Variants in CHD1L observed in about 807,000 individuals in gnomAD.
The protein encoded by CHD1L is chromodomain helicase DNA binding protein 1 like.
CHD1L carries 118 observed loss-of-function variants against 115.9 expected under a neutral mutation model. The observed-to-expected ratio is 1.02, with a 90% CI of 0.88 to 1.19. The LOEUF is 1.19. Ranked by LOEUF, CHD1L falls within the 50% of genes most tolerant of loss-of-function variation. The pLI is 0.00. For missense variants in CHD1L, 1,179 were observed against 1,065.3 expected, an observed-to-expected ratio of 1.11 and a Z score of -1.49; for synonymous variants, 411 against 387.1, an observed-to-expected ratio of 1.06 and a Z score of -0.72.
the CHD1L span, chr1:147,178,055 C>T: frequency 2.2e-6 from 2 of 913,712 alleles, no homozygotes; most frequent in Admixed American, 3.4e-5. Context: ...GCGCGCCCGA[C>T]CGCCGCAGTC....
intron 7 of CHD1L, among the ~76,000 whole-genome samples, chr1:147,265,638 A>G (rs1357809464): frequency 1.3e-5 from 2 of 152,186 alleles, no homozygotes; most frequent in Non-Finnish European, 2.9e-5. Flanking sequence ...CTAAGCTGTT[A>G]TGCTGATCAA....
At position 147,267,410 on chromosome 1, in the gene CHD1L, T is replaced by C. The variant is rs1559795571; in HGVS notation, c.896-16T>C. The C allele has an allele frequency of 6.3e-7, 1 of 1,599,916 alleles. No individual in the cohort carries two copies. Among genetic ancestry groups the C allele is most frequent in the African/African-American group, 1.3e-5 (1 of 74,620 alleles). Reference sequence around the variant, plus strand: ...GGCCATCTCTTTCTGTCTCTCTCTTTTTTTTTAAATTTCAGATGCATTTGA... The same window carrying C: ...GGCCATCTCTTTCTGTCTCTCTCTTCTTTTTTAAATTTCAGATGCATTTGA... On this transcript the variant is annotated splice_polypyrimidine_tract_variant and intron_variant, in intron 8 of 22. Transcript: ENST00000369258.
the CHD1L span, among the ~76,000 whole-genome samples, chr1:147,230,807 A>C: frequency 6.6e-6 from 1 of 151,064 alleles, no homozygotes; most frequent in African/African-American, 2.4e-5. Context: ...AGAGGTGTTT[A>C]TAGTATTCTC....
chr1:147,272,363 T>C, intron 12 of CHD1L, 82 bp downstream of exon 12: 1 of 963,376 alleles, frequency 1.0e-6, no homozygotes, highest in Non-Finnish European at 1.6e-6. Flanking sequence ...GTACACTTTT[T>C]TCCTTAATTC....
At chr1:147,186,779 T>C in the CHD1L span, 1 of 1,478,558 alleles carries the variant, frequency 6.8e-7, no homozygotes, top group Non-Finnish European at 8.9e-7. Context: ...ATTAATGCTT[T>C]CGAAAGAGAC....
chr1:147,216,067 A>G, the CHD1L span: 1 of 656,750 alleles, frequency 1.5e-6, no homozygotes, highest in Admixed American at 2.9e-5. Flanking sequence ...ACCTTCCAGT[A>G]TTTGTGCCCT....
At chr1:147,273,490 T>G (rs1317977102) in intron 12 of CHD1L, among the ~76,000 whole-genome samples, 2 of 152,186 alleles carry the variant, frequency 1.3e-5, no homozygotes, top group Non-Finnish European at 2.9e-5. Flanking sequence ...AACATAAGAT[T>G]CATTTGGCCT....
chr1:147,239,260 G>A (rs1664691339), upstream of CHD1L, among the ~76,000 whole-genome samples: 1 of 152,044 alleles, frequency 6.6e-6, no homozygotes, highest in South Asian at 2.1e-4. Flanking sequence ...AGAGAACTTT[G>A]AGCGTTAGCC....
At chr1:147,282,278 T>C (rs1465994562) in intron 15 of CHD1L, among the ~76,000 whole-genome samples, 1 of 152,202 alleles carries the variant, frequency 6.6e-6, no homozygotes, top group African/African-American at 2.4e-5. Context: ...AATCTTCTAG[T>C]ATTTTCCCTG....
At chr1:147,278,465 C>T (rs1310298238) in intron 14 of CHD1L, among the ~76,000 whole-genome samples, 11 of 151,026 alleles carry the variant, frequency 7.3e-5, no homozygotes, top group Non-Finnish European at 1.3e-4. Context: ...CCTTGTGATC[C>T]GTCCACCTCG....
chr1:147,180,979 A>G, the CHD1L span, among the ~76,000 whole-genome samples: 3 of 152,234 alleles, frequency 2.0e-5, no homozygotes, highest in South Asian at 6.2e-4. Context: ...CGCGGCCTAG[A>G]CAAGGGTCTA....
chr1:147,252,768 C>T (rs1458156907), intron 2 of CHD1L, 33 bp downstream of exon 2: 8 of 1,488,396 alleles, frequency 5.4e-6, no homozygotes, highest in Non-Finnish European at 7.5e-6. Context: ...CTGCTCACCG[C>T]CACTGCGATA....
intron 15 of CHD1L, among the ~76,000 whole-genome samples, chr1:147,281,677 G>C (rs1365128643): frequency 2.0e-5 from 3 of 152,016 alleles, no homozygotes; most frequent in South Asian, 2.1e-4. Context: ...AGGACATACT[G>C]TCTTCTCTGG....
chr1:147,213,369 A>G, the CHD1L span: 4 of 1,613,790 alleles, frequency 2.5e-6, no homozygotes, highest in Middle Eastern at 1.6e-4. Flanking sequence ...CCATGACTCC[A>G]TCAAAGACAT....
chr1:147,197,189 A>G, the CHD1L span, among the ~76,000 whole-genome samples: 1 of 152,196 alleles, frequency 6.6e-6, no homozygotes, highest in South Asian at 2.1e-4. Context: ...TTGTTCTGTC[A>G]CTTTCATCTA....
chr1:147,255,849 C>T lies in CHD1L; in HGVS notation c.384C>T (p.Gly128=), dbSNP rs782672454. Reference sequence around the variant, plus strand: ...GTCTTTCCTGTGTAACATATGCAGGCGACAAGGAGGAAAGAGCCTGCCTTC... The same window carrying T: ...GTCTTTCCTGTGTAACATATGCAGGTGACAAGGAGGAAAGAGCCTGCCTTC... ...APGLSCVTYA[G]DKEERACLQQ... Residue 128 remains glycine, a synonymous_variant, in exon 4 of 23, where the codon GGC becomes GGT. Transcript: ENST00000369258. 2.1e-5 allele frequency: 34 copies of T among 1,613,396 alleles called. No individual in the cohort carries two copies. The East Asian group carries it at 3.3e-4, about 16-fold the overall frequency.
chr1:147,268,171 A>G (rs1351064162), intron 9 of CHD1L, among the ~76,000 whole-genome samples: 2 of 152,124 alleles, frequency 1.3e-5, no homozygotes, highest in Non-Finnish European at 2.9e-5. Context: ...AGACCTCAGT[A>G]AATTTTCCCC....
At chr1:147,282,046 C>T (rs587637492) in intron 15 of CHD1L, among the ~76,000 whole-genome samples, 3 of 152,244 alleles carry the variant, frequency 2.0e-5, no homozygotes, top group Non-Finnish European at 2.9e-5. Flanking sequence ...AAGGAAAATT[C>T]GTTTGGGGAT....
At chr1:147,288,335 A>AAC in intron 19 of CHD1L, among the ~76,000 whole-genome samples, 1 of 1,314 alleles carries the variant, frequency 7.6e-4, no homozygotes, top group East Asian at 0.022. Context: ...TAAAAAAAAA[A>AAC]AAAAAAAAAA....
Sources: allele counts gnomAD v4.1 joint callset (sites outside exome capture counted in the v4.1 genomes callset), GRCh38; gene constraint gnomAD v4.1.1; transcripts MANE v1.5; gene names NCBI Gene and HGNC (gene_info 2026-07-23, HGNC 2026-07-21).